The following TMEM114 variants were observed in gnomAD, a reference collection of about 807,000 sequenced individuals.
The protein encoded by TMEM114 is transmembrane protein 114, also known as claudin-26.
In TMEM114, 6 loss-of-function variants were observed where a neutral mutation model predicts 6.2. The ratio of observed to expected loss-of-function variants is 0.97; its 90% CI spans 0.53 to 1.91. TMEM114 has a LOEUF of 1.91. Ranked by LOEUF, TMEM114 falls within the 40% of genes most tolerant of loss-of-function variation. The probability of loss-of-function intolerance (pLI) is 0.01; values close to 1 mark genes in which losing one functional copy is unlikely to be tolerated. For missense variants in TMEM114, 218 were observed against 158.3 expected (o/e 1.38, Z -2.02); for synonymous variants, 104 against 73.0 (o/e 1.42, Z -2.16).
At chr16:8,588,475 C>T (rs1004318317) in intron 2 of TMEM114, among the ~76,000 whole-genome samples, 106 of 152,234 alleles carry the variant, frequency 7.0e-4, no homozygotes, top group African/African-American at 2.2e-3. Context: ...AAAAGCAGTT[C>T]GCTCCACGTC....
intron 3 of TMEM114, among the ~76,000 whole-genome samples, chr16:8,571,827 G>A (rs1290344676): frequency 6.6e-6 from 1 of 152,164 alleles, no homozygotes; most frequent in Non-Finnish European, 1.5e-5. Flanking sequence ...TTTGGGCAAA[G>A]GTAATACATG....
At chr16:8,543,457 G>A (rs562209985) in intron 2 of TMEM114, among the ~76,000 whole-genome samples, 48 of 73,834 alleles carry the variant, frequency 6.5e-4, no homozygotes, top group African/African-American at 2.3e-3. Context: ...TCATGCAATG[G>A]TGCACCTTGC....
intron 2 of TMEM114, among the ~76,000 whole-genome samples, chr16:8,545,377 A>G (rs1321605971): frequency 6.6e-6 from 1 of 152,070 alleles, no homozygotes; most frequent in Non-Finnish European, 1.5e-5. Context: ...TTGAGGTTGC[A>G]GTGAGCTGTA....
the TMEM114 span, among the ~76,000 whole-genome samples, chr16:8,529,083 A>T: frequency 6.6e-6 from 1 of 152,324 alleles, no homozygotes; most frequent in East Asian, 1.9e-4. Context: ...TTCGGAGAGG[A>T]CAGCAAAATC....
chr16:8,560,618 C>G (rs916186350), intron 2 of TMEM114, among the ~76,000 whole-genome samples: 7 of 152,150 alleles, frequency 4.6e-5, no homozygotes, highest in African/African-American at 1.7e-4. Context: ...GAGTTCGAGT[C>G]TCACCCTGGT....
At chr16:8,588,372 T>C (rs1279933287) in intron 2 of TMEM114, among the ~76,000 whole-genome samples, 2 of 151,874 alleles carry the variant, frequency 1.3e-5, no homozygotes, top group East Asian at 3.9e-4. Flanking sequence ...ACAGAACCTC[T>C]CTGGGCCTCC....
chr16:8,528,647 G>C, the TMEM114 span, among the ~76,000 whole-genome samples: 8 of 152,162 alleles, frequency 5.3e-5, no homozygotes, highest in Non-Finnish European at 8.8e-5. Flanking sequence ...TTAAATCGCA[G>C]CCTTGGTGGT....
At chr16:8,567,754 G>T (rs1163802352), downstream of TMEM114, among the ~76,000 whole-genome samples, 1 of 152,184 alleles carries the variant, frequency 6.6e-6, no homozygotes, top group Non-Finnish European at 1.5e-5. Context: ...GGCTGAAAAC[G>T]TGTCTCTTGA....
intron 2 of TMEM114, among the ~76,000 whole-genome samples, chr16:8,557,407 G>T (rs901793049): frequency 6.6e-6 from 1 of 152,146 alleles, no homozygotes; most frequent in Non-Finnish European, 1.5e-5. Flanking sequence ...ATGATGTAAA[G>T]AGAGAAGTGC....
intron 2 of TMEM114, among the ~76,000 whole-genome samples, chr16:8,554,537 C>T (rs917375931): frequency 2.6e-5 from 4 of 152,150 alleles, no homozygotes; most frequent in African/African-American, 4.8e-5. Context: ...ATTGATCCTC[C>T]ACCCCCAGCC....
intron 2 of TMEM114, among the ~76,000 whole-genome samples, chr16:8,558,822 C>G (rs1311102198): frequency 6.6e-6 from 1 of 151,632 alleles, no homozygotes; most frequent in African/African-American, 2.4e-5. Context: ...CTCACTGCAA[C>G]CCCTGCCTCC....
intron 2 of TMEM114, among the ~76,000 whole-genome samples, chr16:8,583,429 T>C (rs1361890672): frequency 6.6e-6 from 1 of 152,126 alleles, no homozygotes; most frequent in African/African-American, 2.4e-5. Flanking sequence ...AGCCCATTTG[T>C]GGATGCAGGT....
downstream of TMEM114, among the ~76,000 whole-genome samples, chr16:8,535,939 G>C (rs895038740): frequency 1.3e-5 from 2 of 152,144 alleles, no homozygotes. Flanking sequence ...AAAATGAAGG[G>C]AGTGGGGAGG....
intron 2 of TMEM114, among the ~76,000 whole-genome samples, chr16:8,577,748 G>A (rs375461621): frequency 2.0e-5 from 3 of 149,166 alleles, no homozygotes; most frequent in African/African-American, 5.1e-5. Context: ...CCCTCCTGGC[G>A]AATTTTTGTA....
chr16:8,574,302 G>T (rs1901840576), intron 2 of TMEM114, among the ~76,000 whole-genome samples: 1 of 152,162 alleles, frequency 6.6e-6, no homozygotes, highest in South Asian at 2.1e-4. Context: ...GCAACACGGG[G>T]CAATGTAGTA....
chr16:8,584,491 ACTT>A (rs1902252508), intron 2 of TMEM114, among the ~76,000 whole-genome samples: 2 of 152,038 alleles, frequency 1.3e-5, no homozygotes, highest in South Asian at 4.1e-4. Context: ...TTCATTGAAA[ACTT>A]CTCTCTGTGG....
At chr16:8,551,297 C>T (rs1178430505) in intron 2 of TMEM114, among the ~76,000 whole-genome samples, 2 of 152,180 alleles carry the variant, frequency 1.3e-5, no homozygotes, top group Non-Finnish European at 2.9e-5. Flanking sequence ...CTCTGAAAAG[C>T]CTGTTCTTCA....
At chr16:8,550,539 G>A (rs1037512263) in intron 2 of TMEM114, among the ~76,000 whole-genome samples, 1 of 152,086 alleles carries the variant, frequency 6.6e-6, no homozygotes, top group Non-Finnish European at 1.5e-5. Context: ...TTAGCCTGGT[G>A]TGGTGGTGCA....
At chr16:8,566,087 C>T (rs1218072761), downstream of TMEM114, among the ~76,000 whole-genome samples, 1 of 152,012 alleles carries the variant, frequency 6.6e-6, no homozygotes, top group Non-Finnish European at 1.5e-5. Flanking sequence ...CAGAATGGAT[C>T]GGGCCAGGCA....
Sources: allele counts gnomAD v4.1 joint callset (sites outside exome capture counted in the v4.1 genomes callset), GRCh38; gene constraint gnomAD v4.1.1; transcripts MANE v1.5; gene names NCBI Gene and HGNC (gene_info 2026-07-23, HGNC 2026-07-21).